The following PAFAH2 variants were observed in gnomAD, a reference collection of about 807,000 sequenced individuals.
PAFAH2 encodes platelet-activating factor acetylhydrolase 2, cytoplasmic.
Under a neutral mutation model 49.0 loss-of-function variants are expected in PAFAH2, and 42 were observed. That is an observed-to-expected ratio of 0.86 (90% CI 0.67 to 1.11). The LOEUF is 1.11. Among genes scored for constraint, PAFAH2 ranks in the 50% least tolerant of loss-of-function variants. The pLI is 0.00. For synonymous variants in PAFAH2, 184 were observed against 181.3 expected, an observed-to-expected ratio of 1.01 and a Z score of -0.12; for missense variants, 503 against 501.8, an observed-to-expected ratio of 1.00 and a Z score of -0.02.
intron 10 of PAFAH2, among the ~76,000 whole-genome samples, chr1:25,963,635 C>A (rs1390705358): frequency 6.6e-6 from 1 of 152,188 alleles, no homozygotes; most frequent in Non-Finnish European, 1.5e-5. Context: ...TCCTAAGTAG[C>A]TGGGACTACA....
chr1:25,965,323 C>G (rs2049403368), intron 10 of PAFAH2, among the ~76,000 whole-genome samples: 1 of 152,136 alleles, frequency 6.6e-6, no homozygotes, highest in African/African-American at 2.4e-5. Flanking sequence ...AGAAGAAAAA[C>G]TCTTCTGGAC....
chr1:25,996,931 A>G (rs967835377), intron 1 of PAFAH2, among the ~76,000 whole-genome samples: 1 of 152,222 alleles, frequency 6.6e-6, no homozygotes, highest in African/African-American at 2.4e-5. Context: ...CCCTTTGGCA[A>G]AACAGATTCT....
intron 4 of PAFAH2, among the ~76,000 whole-genome samples, chr1:25,984,969 C>T (rs954700922): frequency 6.6e-6 from 1 of 151,846 alleles, no homozygotes; most frequent in African/African-American, 2.4e-5. Flanking sequence ...ATTCTCCTGC[C>T]TCAGCCTCCT....
At chr1:25,972,786 G>T in intron 9 of PAFAH2, 74 bp from the exon 10 acceptor site, 1 of 1,443,658 alleles carries the variant, frequency 6.9e-7, no homozygotes, top group Non-Finnish European at 9.7e-7. Flanking sequence ...CACCTACTAT[G>T]TGCAAGGTGC....
In PAFAH2 at chr1:25,972,619, G is replaced by T. The variant is rs1218608807; in HGVS notation, c.1023C>A (p.Asp341Glu). ...FFSTETRGSL[D>E]PYEGQEVMVR... ...CCATAACCTCCTGCCCTTCATAGGG[G>T]TCCAGGCTCCCACGGGTTTCAGTGG... Residue 341 changes from aspartate to glutamate, a missense_variant, in exon 10 of 11, where the codon GAC (aspartate) becomes GAA (glutamate). Coordinates refer to ENST00000374282, the MANE Select transcript of PAFAH2 (RefSeq NM_000437.4). The T allele has an allele frequency of 4.3e-6, 7 of 1,613,816 alleles. No individual in the cohort carries two copies. The African/African-American group carries it at 9.3e-5, about 22-fold the overall frequency.
chr1:25,963,605 G>C (rs1181566931), intron 10 of PAFAH2, among the ~76,000 whole-genome samples: 3 of 152,194 alleles, frequency 2.0e-5, no homozygotes, highest in East Asian at 1.9e-4. Flanking sequence ...CCAGGTTCAA[G>C]TGATTCTCCT....
chr1:25,988,552 C>T (rs1209129193), intron 3 of PAFAH2, among the ~76,000 whole-genome samples: 2 of 151,904 alleles, frequency 1.3e-5, no homozygotes, highest in African/African-American at 4.8e-5. Context: ...CAGTGGCTCA[C>T]GCCTGTATTC....
At chr1:25,982,673 C>T (rs192475093) in intron 6 of PAFAH2, among the ~76,000 whole-genome samples, 196 bp from the exon 7 acceptor site, 4 of 152,348 alleles carry the variant, frequency 2.6e-5, no homozygotes, top group Admixed American at 6.5e-5. Context: ...TTAGAACAGA[C>T]TCAGCCCTGT....
At chr1:25,992,895 G>C (rs188086870) in intron 1 of PAFAH2, among the ~76,000 whole-genome samples, 1 of 152,206 alleles carries the variant, frequency 6.6e-6, no homozygotes, top group Admixed American at 6.5e-5. Flanking sequence ...GTAAAACCCG[G>C]GACTTTGGTA....
intron 10 of PAFAH2, among the ~76,000 whole-genome samples, chr1:25,970,590 T>C (rs1319557835): frequency 6.6e-6 from 1 of 152,176 alleles, no homozygotes; most frequent in Admixed American, 6.5e-5. Flanking sequence ...AGTTTATCTA[T>C]TTATTTTATT....
At chr1:25,985,343 A>C (rs958356353) in intron 4 of PAFAH2, among the ~76,000 whole-genome samples, 5 of 152,204 alleles carry the variant, frequency 3.3e-5, no homozygotes, top group Admixed American at 3.3e-4. Flanking sequence ...ACATATTCCA[A>C]CTTAGGATAG....
intron 10 of PAFAH2, among the ~76,000 whole-genome samples, chr1:25,967,146 T>C (rs1284081932): frequency 1.3e-5 from 2 of 151,098 alleles, no homozygotes; most frequent in Non-Finnish European, 2.9e-5. Flanking sequence ...GACAGGATGG[T>C]AGCTGTGGGG....
chr1:25,962,010 G>T lies in PAFAH2; in HGVS notation c.1158C>A (p.Pro386=). Residue 386 remains proline (P), a synonymous_variant, in exon 11 of 11, where the codon CCC becomes CCA. Coordinates refer to ENST00000374282, the MANE Select transcript of PAFAH2 (RefSeq NM_000437.4). ...GTGCCTACAGGCTGGACAGATGGTG[G>T]GGGGCCCCTGGGGTGAGCGACGGTC... ...GIGPSLTPGA[P]HHLSSL is the part of the protein sequence containing the mutation. 6.2e-7 allele frequency: 1 copy of T among 1,613,842 alleles called. No homozygotes were observed. Among genetic ancestry groups the T allele is most frequent in the Non-Finnish European group, 8.5e-7 (1 of 1,179,872 alleles).
At chr1:25,991,689 T>C (rs2049878747) in intron 1 of PAFAH2, among the ~76,000 whole-genome samples, 1 of 146,580 alleles carries the variant, frequency 6.8e-6, no homozygotes, top group Non-Finnish European at 1.5e-5. Context: ...GGTCAGGAGT[T>C]CAAGACCAGC....
At chr1:25,986,013 T>G (rs930842535) in intron 4 of PAFAH2, among the ~76,000 whole-genome samples, 4 of 152,242 alleles carry the variant, frequency 2.6e-5, no homozygotes, top group African/African-American at 4.8e-5. Context: ...TTCCAGGCAC[T>G]GTCCTAGAAG....
At chr1:25,990,980 G>A (rs937406187) in intron 1 of PAFAH2, 117 bp from the exon 2 acceptor site, 19 of 583,190 alleles carry the variant, frequency 3.3e-5, no homozygotes, top group Non-Finnish European at 4.6e-5. Flanking sequence ...CCTCCCTGCC[G>A]TCGCTCATTA....
chr1:25,974,762 G>A, intron 8 of PAFAH2, 112 bp from the exon 9 acceptor site: 1 of 957,760 alleles, frequency 1.0e-6, no homozygotes, highest in Non-Finnish European at 1.5e-6. Flanking sequence ...GGCTCAGAAA[G>A]CCAGGAGGGG....
chr1:25,979,648 C>G (rs2049651978), intron 7 of PAFAH2, among the ~76,000 whole-genome samples: 1 of 152,052 alleles, frequency 6.6e-6, no homozygotes. Context: ...CCACCATGCC[C>G]AGCTAATTTT....
intron 4 of PAFAH2, among the ~76,000 whole-genome samples, chr1:25,985,307 C>A (rs1020091357): frequency 6.6e-6 from 1 of 152,208 alleles, no homozygotes; most frequent in Non-Finnish European, 1.5e-5. Context: ...CAATGGCACA[C>A]TGAGAATGGT....
Sources: allele counts gnomAD v4.1 joint callset (sites outside exome capture counted in the v4.1 genomes callset), GRCh38; gene constraint gnomAD v4.1.1; transcripts MANE v1.5; gene names NCBI Gene and HGNC (gene_info 2026-07-23, HGNC 2026-07-21).